The following OCA2 variants were observed in gnomAD, a reference collection of about 807,000 sequenced individuals.
OCA2 encodes P protein.
OCA2 carries 77 observed loss-of-function variants against 100.2 expected under a neutral mutation model. The observed-to-expected ratio is 0.77, with a 90% CI of 0.64 to 0.93. OCA2 has a LOEUF of 0.93. Among genes scored for constraint, OCA2 ranks in the 40% least tolerant of loss-of-function variants. The probability of loss-of-function intolerance (pLI) is 0.00; values close to 1 mark genes in which losing one functional copy is unlikely to be tolerated. For missense variants in OCA2, 1,062 were observed against 1,089.1 expected (o/e 0.98, Z 0.35); for synonymous variants, 432 against 439.2 (o/e 0.98, Z 0.21).
chr15:28,060,173 G>A (rs566778575), intron 2 of OCA2, among the ~76,000 whole-genome samples: 1 of 152,292 alleles, frequency 6.6e-6, no homozygotes, highest in South Asian at 2.1e-4. Flanking sequence ...TGAGGCAGGT[G>A]GGAAGTGTAG....
chr15:27,781,418 G>C (rs1303216451), intron 23 of OCA2, among the ~76,000 whole-genome samples: 4 of 152,152 alleles, frequency 2.6e-5, no homozygotes, highest in African/African-American at 9.7e-5. Context: ...AACCATCCCA[G>C]CACCACACAG....
intron 23 of OCA2, among the ~76,000 whole-genome samples, chr15:27,755,747 A>G (rs1237942867): frequency 6.6e-6 from 1 of 152,202 alleles, no homozygotes; most frequent in Non-Finnish European, 1.5e-5. Context: ...TTGTTCATCT[A>G]TATTAGACTG....
chr15:27,947,411 G>A (rs938419269), intron 18 of OCA2, among the ~76,000 whole-genome samples: 1 of 152,192 alleles, frequency 6.6e-6, no homozygotes, highest in African/African-American at 2.4e-5. Context: ...GGTGTGAACT[G>A]TGACCCTGGC....
intron 9 of OCA2, among the ~76,000 whole-genome samples, chr15:28,006,298 C>A (rs1283591927): frequency 3.3e-5 from 5 of 152,222 alleles, no homozygotes; most frequent in Non-Finnish European, 7.3e-5. Context: ...CTTCGAACAA[C>A]AGCATGCTCC....
intron 14 of OCA2, among the ~76,000 whole-genome samples, chr15:27,973,066 C>T (rs1334138298): frequency 6.6e-6 from 1 of 151,966 alleles, no homozygotes; most frequent in African/African-American, 2.4e-5. Flanking sequence ...GATGGGGTTT[C>T]ACCGTGTTGG....
At chr15:27,963,674 T>C (rs1482449634) in intron 15 of OCA2, among the ~76,000 whole-genome samples, 6 of 151,542 alleles carry the variant, frequency 4.0e-5, no homozygotes, top group Non-Finnish European at 8.8e-5. Flanking sequence ...AAGATGCACA[T>C]AAAATCAATA....
intron 21 of OCA2, among the ~76,000 whole-genome samples, chr15:27,870,129 A>G (rs1411565499): frequency 1.3e-5 from 2 of 152,162 alleles, no homozygotes; most frequent in Non-Finnish European, 2.9e-5. Context: ...CCTTCTCCCC[A>G]CACAGCCAGG....
intron 9 of OCA2, among the ~76,000 whole-genome samples, chr15:27,997,027 AAGAG>A (rs1056278863): frequency 4.0e-5 from 3 of 75,528 alleles, no homozygotes; most frequent in South Asian, 6.0e-4. Flanking sequence ...GAAAGAAAGA[AAGAG>A]AGAGAGAGAG....
At chr15:27,733,742 A>G in the OCA2 span, among the ~76,000 whole-genome samples, 1 of 152,162 alleles carries the variant, frequency 6.6e-6, no homozygotes, top group Admixed American at 6.5e-5. Context: ...ATTAATAATG[A>G]AAAACAGCCA....
At chr15:27,767,211 A>C (rs2031334616) in intron 23 of OCA2, among the ~76,000 whole-genome samples, 1 of 152,230 alleles carries the variant, frequency 6.6e-6, no homozygotes, top group African/African-American at 2.4e-5. Context: ...AGCTCAACTA[A>C]CAACTTCTAC....
chr15:28,041,886 T>G (rs1020940741), intron 2 of OCA2, among the ~76,000 whole-genome samples: 1 of 152,038 alleles, frequency 6.6e-6, no homozygotes, highest in South Asian at 2.1e-4. Flanking sequence ...TAGGATAAAT[T>G]TATTTGGTTT....
chr15:27,999,560 C>G (rs1183811520), intron 9 of OCA2, among the ~76,000 whole-genome samples: 1 of 152,178 alleles, frequency 6.6e-6, no homozygotes, highest in African/African-American at 2.4e-5. Flanking sequence ...AGGAACAAGA[C>G]AAGGATGCTC....
chr15:27,886,489 T>C (rs567741626), intron 19 of OCA2, among the ~76,000 whole-genome samples: 2 of 152,296 alleles, frequency 1.3e-5, no homozygotes, highest in African/African-American at 4.8e-5. Context: ...TATGATTTAG[T>C]ATATTTTTAA....
At chr15:27,867,031 G>C (rs1025024945) in intron 21 of OCA2, among the ~76,000 whole-genome samples, 10 of 152,240 alleles carry the variant, frequency 6.6e-5, no homozygotes. Context: ...AAAGCTGGGG[G>C]CTTGTGGGCA....
At position 27,770,577 on chromosome 15, in the gene OCA2, CG is replaced by C. The variant is rs1218478118; in HGVS notation, c.2433-15106del. Among the ~76,000 whole-genome samples, 6 of 151,982 alleles carry C rather than the reference CG, an allele frequency of 3.9e-5. No individual in the cohort carries two copies. In the East Asian group the frequency reaches 1.2e-3, roughly 30 times the overall value. ...GGGGAAGGTCCCCGATGGGCGCGCACGGTGCCCAGCGCAGCTGCCCTTGGCC... is the reference window on the plus strand; with the variant it reads ...GGGGAAGGTCCCCGATGGGCGCGCACGTGCCCAGCGCAGCTGCCCTTGGCC... On this transcript the variant is annotated intron_variant, in intron 23 of 23. Transcript: ENST00000354638.
At chr15:27,929,189 T>C (rs2140398102) in intron 18 of OCA2, among the ~76,000 whole-genome samples, 1 of 152,296 alleles carries the variant, frequency 6.6e-6, no homozygotes, top group Non-Finnish European at 1.5e-5. Flanking sequence ...GAATAACCAA[T>C]GCAACTTTTA....
chr15:27,871,944 G>A (rs762804818), intron 19 of OCA2, 22 bp from the exon 20 acceptor site: 8 of 1,585,400 alleles, frequency 5.0e-6, no homozygotes, highest in African/African-American at 4.0e-5. Context: ...GATGTGTGGT[G>A]AGAATCAGTT....
At chr15:27,784,742 G>A (rs1175251563) in intron 23 of OCA2, among the ~76,000 whole-genome samples, 1 of 152,052 alleles carries the variant, frequency 6.6e-6, no homozygotes, top group Non-Finnish European at 1.5e-5. Flanking sequence ...ATCTCAGAAA[G>A]TAATTAGTGA....
chr15:28,007,452 C>T (rs1417675939), intron 9 of OCA2, among the ~76,000 whole-genome samples: 4 of 152,122 alleles, frequency 2.6e-5, no homozygotes, highest in East Asian at 3.9e-4. Context: ...AAGGATGGGC[C>T]GGGCATGGTG....
Sources: gnomAD v4.1 joint callset for allele counts (sites outside exome capture counted in the v4.1 genomes callset) on GRCh38, gnomAD v4.1.1 for gene constraint, MANE v1.5 for transcripts, NCBI Gene and HGNC (gene_info 2026-07-23, HGNC 2026-07-21) for gene names.